The following PRDM16 variants were observed in gnomAD, a reference collection of about 807,000 sequenced individuals.
PRDM16 encodes the protein PR/SET domain 16, also known as histone-lysine N-methyltransferase PRDM16.
Under a neutral mutation model 110.6 loss-of-function variants are expected in PRDM16, and 23 were observed. That is an observed-to-expected ratio of 0.21 (90% CI 0.15 to 0.29). PRDM16 has a LOEUF of 0.29. PRDM16 is among the 10% of genes least tolerant of loss of function. The pLI, the probability that PRDM16 is intolerant of heterozygous loss-of-function variation, is 1.00. For synonymous variants in PRDM16, 799 were observed against 781.8 expected, an observed-to-expected ratio of 1.02 and a Z score of -0.37; for missense variants, 1,615 against 1,794.3, an observed-to-expected ratio of 0.90 and a Z score of 1.81.
At chr1:3,273,880 TACGTGTGGGTAGGTGCGTGTGC>T (rs1640521485) in intron 3 of PRDM16, among the ~76,000 whole-genome samples, 1 of 140,134 alleles carries the variant, frequency 7.1e-6, no homozygotes, top group African/African-American at 2.6e-5. Context: ...GGTGCCAGCC[TACGTGTGGGTAGGTGCGTGTGC>T]ACGTGTGGCA....
chr1:3,276,670 A>AGGTGCCATGAACAGAGCCAGCGAGG (rs1553156460), intron 3 of PRDM16, among the ~76,000 whole-genome samples: 30,380 of 143,956 alleles, frequency 0.21, 4,009 homozygotes, highest in African/African-American at 0.35. Context: ...AGCCAGCTCG[A>AGGTGCCATGAACAGAGCCAGCGAGG]GGTGCCGTGA....
chr1:3,173,224 C>T (rs767777972), intron 1 of PRDM16, among the ~76,000 whole-genome samples: 3 of 152,118 alleles, frequency 2.0e-5, no homozygotes, highest in Non-Finnish European at 4.4e-5. Flanking sequence ...GGTATATTAA[C>T]CAAGGAATAA....
chr1:3,364,033 G>T (rs534457959), intron 3 of PRDM16, among the ~76,000 whole-genome samples: 1 of 152,118 alleles, frequency 6.6e-6, no homozygotes, highest in Non-Finnish European at 1.5e-5. Context: ...TTGTCTGCGG[G>T]GGGGAAGTTC....
chr1:3,305,123 G>C (rs1230969855), intron 3 of PRDM16, among the ~76,000 whole-genome samples: 4 of 152,168 alleles, frequency 2.6e-5, no homozygotes, highest in African/African-American at 4.8e-5. Flanking sequence ...GCCTACAGGT[G>C]CCAGCAGGGG....
chr1:3,228,115 C>T (rs139786956), intron 2 of PRDM16, among the ~76,000 whole-genome samples: 47 of 152,320 alleles, frequency 3.1e-4, no homozygotes, highest in African/African-American at 1.1e-3. Context: ...ATTGAGTGTG[C>T]GGGGGTCCTC....
intron 3 of PRDM16, among the ~76,000 whole-genome samples, chr1:3,261,938 C>G (rs993668956): frequency 6.6e-6 from 1 of 152,204 alleles, no homozygotes; most frequent in Non-Finnish European, 1.5e-5. Flanking sequence ...GTCATCCTAC[C>G]CCCCACCCTG....
intron 8 of PRDM16, among the ~76,000 whole-genome samples, chr1:3,409,999 GGTGTGCATGTGTGTGTGCTGT>G (rs1352673109): frequency 7.9e-6 from 1 of 126,732 alleles, no homozygotes; most frequent in Non-Finnish European, 1.7e-5. Flanking sequence ...GGGTGTGGGG[GGTGTGCATGTGTGTGTGCTGT>G]GTGTGCATGT....
intron 1 of PRDM16, among the ~76,000 whole-genome samples, chr1:3,083,586 G>A (rs555464840): frequency 5.8e-4 from 53 of 90,914 alleles, no homozygotes; most frequent in African/African-American, 1.7e-3. Flanking sequence ...GACACACAGC[G>A]CCTGCTGTCA....
intron 1 of PRDM16, among the ~76,000 whole-genome samples, chr1:3,083,829 G>A (rs537010071): frequency 7.2e-5 from 11 of 152,312 alleles, no homozygotes; most frequent in African/African-American, 2.2e-4. Flanking sequence ...GACACCCTTT[G>A]GACTTGCCCA....
At chr1:3,399,869 G>A (rs1168850024) in intron 5 of PRDM16, among the ~76,000 whole-genome samples, 1 of 152,180 alleles carries the variant, frequency 6.6e-6, no homozygotes, top group East Asian at 1.9e-4. Flanking sequence ...GAATCACGAT[G>A]CTGGCTGGAG....
chr1:3,096,636 G>A (rs1024333049), intron 1 of PRDM16, among the ~76,000 whole-genome samples: 13 of 152,126 alleles, frequency 8.5e-5, no homozygotes, highest in South Asian at 2.1e-4. Flanking sequence ...AGGGAGGGAC[G>A]CCAGGGACTC....
At chr1:3,336,366 G>A (rs1017637213) in intron 3 of PRDM16, among the ~76,000 whole-genome samples, 2 of 151,716 alleles carry the variant, frequency 1.3e-5, no homozygotes, top group Non-Finnish European at 3.0e-5. Context: ...ATGTGGAGGG[G>A]TGTGTGTGCA....
chr1:3,367,669 C>T (rs1411721590), intron 3 of PRDM16, among the ~76,000 whole-genome samples: 11 of 152,112 alleles, frequency 7.2e-5, no homozygotes, highest in South Asian at 4.1e-4. Context: ...CTGTAGACTA[C>T]GTGTATAAAT....
intron 3 of PRDM16, among the ~76,000 whole-genome samples, chr1:3,257,770 A>G (rs948563880): frequency 5.9e-5 from 9 of 152,196 alleles, no homozygotes; most frequent in African/African-American, 2.2e-4. Context: ...TAGTGCTGCC[A>G]GGATACAACC....
chr1:3,271,977 A>G (rs1173571486), intron 3 of PRDM16, among the ~76,000 whole-genome samples: 2 of 152,158 alleles, frequency 1.3e-5, no homozygotes, highest in Non-Finnish European at 2.9e-5. Flanking sequence ...ACAGAATGAG[A>G]CAGCTTCTCC....
intron 1 of PRDM16, among the ~76,000 whole-genome samples, chr1:3,109,778 C>A (rs145847492): frequency 6.6e-6 from 1 of 152,352 alleles, no homozygotes; most frequent in East Asian, 1.9e-4. Flanking sequence ...AATTTCCCCC[C>A]AAATATCACC....
chr1:3,340,806 G>C (rs564770933), intron 3 of PRDM16, among the ~76,000 whole-genome samples: 1 of 152,218 alleles, frequency 6.6e-6, no homozygotes, highest in Non-Finnish European at 1.5e-5. Flanking sequence ...TGGTGTCAGG[G>C]TGTGGGGCAG....
chr1:3,277,299 A>T (rs529083279), intron 3 of PRDM16, among the ~76,000 whole-genome samples: 37 of 152,286 alleles, frequency 2.4e-4, no homozygotes, highest in Admixed American at 8.5e-4. Flanking sequence ...CGGGGATGGC[A>T]TCGTCTGTCA....
rs747832618 is a variant in PRDM16, at chr1:3,340,623, C to T, written c.439-44529C>T. 3.7e-4 allele frequency among the ~76,000 whole-genome samples: 57 copies of T among 152,196 alleles called. 1 individual carries two copies. The highest frequency in any genetic ancestry group is 2.5e-4 in the Non-Finnish European group (17 of 68,032). On this transcript the variant is annotated intron_variant, in intron 3 of 16. Coordinates refer to ENST00000270722, the MANE Select transcript of PRDM16 (RefSeq NM_022114.4). ...GTGTCTGTGTCTTCAGGAAATAGAG[C>T]CGGGACACTCAATAAGCCAATTGTT...
Sources: gnomAD v4.1 joint callset for allele counts (sites outside exome capture counted in the v4.1 genomes callset) on GRCh38, gnomAD v4.1.1 for gene constraint, MANE v1.5 for transcripts, NCBI Gene and HGNC (gene_info 2026-07-23, HGNC 2026-07-21) for gene names.